Variants in SLC25A24 observed in about 807,000 individuals in gnomAD.
The protein encoded by SLC25A24 is solute carrier family 25 member 24.
SLC25A24 carries 49 observed loss-of-function variants against 60.7 expected under a neutral mutation model. The observed-to-expected ratio is 0.81, with a 90% CI of 0.64 to 1.02. The LOEUF is 1.02. Ranked by LOEUF, SLC25A24 falls within the 50% of genes least tolerant of loss-of-function variation. The pLI is 0.00. For missense variants in SLC25A24, 564 were observed against 586.3 expected (o/e 0.96, Z 0.39); for synonymous variants, 202 against 200.6 (o/e 1.01, Z -0.06).
intron 9 of SLC25A24, among the ~76,000 whole-genome samples, chr1:108,137,435 G>A (rs181361548): frequency 6.6e-6 from 1 of 152,324 alleles, no homozygotes; most frequent in East Asian, 1.9e-4. Context: ...GCACAACCAA[G>A]ACAACGGGAG....
At chr1:108,188,765 G>A (rs1229552369) in intron 1 of SLC25A24, among the ~76,000 whole-genome samples, 3 of 152,192 alleles carry the variant, frequency 2.0e-5, no homozygotes, top group Admixed American at 1.3e-4. Context: ...GTTTGGGGGC[G>A]GATTCTGGGA....
chr1:108,143,849 C>G, intron 7 of SLC25A24, 139 bp from the exon 8 acceptor site: 3 of 692,244 alleles, frequency 4.3e-6, no homozygotes, highest in Non-Finnish European at 7.1e-6. Flanking sequence ...GATACATTCT[C>G]TTTCATGTAT....
At chr1:108,170,007 T>C (rs1220299528) in intron 3 of SLC25A24, among the ~76,000 whole-genome samples, 1 of 152,154 alleles carries the variant, frequency 6.6e-6, no homozygotes, top group Non-Finnish European at 1.5e-5. Flanking sequence ...TACTGCATCT[T>C]TGCTATATAT....
intron 6 of SLC25A24, among the ~76,000 whole-genome samples, chr1:108,152,920 C>T (rs1571284525): frequency 6.6e-6 from 1 of 152,236 alleles, no homozygotes; most frequent in Non-Finnish European, 1.5e-5. Context: ...AGGGCATTTC[C>T]CACCATATGA....
chr1:108,151,880 T>G (rs1267067716), intron 6 of SLC25A24, among the ~76,000 whole-genome samples: 1 of 152,222 alleles, frequency 6.6e-6, no homozygotes, highest in African/African-American at 2.4e-5. Context: ...CATTCTTGAC[T>G]CTTCTCTTTC....
chr1:108,158,015 C>A (rs559761), intron 4 of SLC25A24, among the ~76,000 whole-genome samples: 132,335 of 152,176 alleles, frequency 0.87, 57,802 homozygotes, highest in African/African-American at 0.95. Context: ...TTAAGAAATT[C>A]GTTCATCAAT....
At chr1:108,157,669 C>G (rs1679941119) in intron 4 of SLC25A24, 49 bp from the exon 5 acceptor site, 12 of 1,571,776 alleles carry the variant, frequency 7.6e-6, no homozygotes, top group Non-Finnish European at 1.0e-5. Flanking sequence ...AAAAATAATC[C>G]CAGAAGACGT....
chr1:108,163,604 G>T lies in SLC25A24; in HGVS notation c.399-2311C>A, dbSNP rs545437912. Among the ~76,000 whole-genome samples, 28 of 152,106 alleles carry T rather than the reference G, an allele frequency of 1.8e-4. No individual in the cohort carries two copies. The South Asian group carries it at 5.2e-3, about 28-fold the overall frequency. ...TGATTTGGCTCTCTGTCTGTTGCTGGTGTATAAGAATGCTTGTGATTTTTG... is the reference window on the plus strand; with the variant it reads ...TGATTTGGCTCTCTGTCTGTTGCTGTTGTATAAGAATGCTTGTGATTTTTG... On this transcript the variant is annotated intron_variant, in intron 3 of 9. Transcript: ENST00000565488.
chr1:108,148,203 T>G (rs1679659054), intron 7 of SLC25A24, 76 bp downstream of exon 7: 1 of 882,890 alleles, frequency 1.1e-6, no homozygotes, highest in Non-Finnish European at 1.9e-6. Flanking sequence ...CTGTTAATTT[T>G]GGGATAACTT....
chr1:108,184,182 T>TA (rs34503747), intron 2 of SLC25A24, among the ~76,000 whole-genome samples: 1 of 152,232 alleles, frequency 6.6e-6, no homozygotes, highest in Admixed American at 6.5e-5. Flanking sequence ...TAGAATTTTA[T>TA]AAAATGAACA....
At chr1:108,155,950 A>AC (rs1679886105) in intron 5 of SLC25A24, among the ~76,000 whole-genome samples, 6 of 149,146 alleles carry the variant, frequency 4.0e-5, no homozygotes, top group Non-Finnish European at 8.9e-5. Context: ...ACTACCACTA[A>AC]ACACACACAC....
chr1:108,151,442 T>A (rs540653197), intron 6 of SLC25A24, among the ~76,000 whole-genome samples: 1 of 152,108 alleles, frequency 6.6e-6, no homozygotes, highest in Admixed American at 6.5e-5. Flanking sequence ...AGCTTACCTA[T>A]CTCTGGGTTG....
At chr1:108,180,114 A>C (rs1200576077) in intron 3 of SLC25A24, among the ~76,000 whole-genome samples, 1 of 152,168 alleles carries the variant, frequency 6.6e-6, no homozygotes, top group East Asian at 1.9e-4. Context: ...CTGTAATCCC[A>C]GCACTTTGGG....
At chr1:108,184,000 G>A (rs1648030719) in intron 2 of SLC25A24, among the ~76,000 whole-genome samples, 1 of 152,140 alleles carries the variant, frequency 6.6e-6, no homozygotes, top group South Asian at 2.1e-4. Flanking sequence ...CCCAAATAAT[G>A]AGGATCAACT....
In SLC25A24 at chr1:108,161,059, C is replaced by T. The variant is rs1571291143; in HGVS notation, c.510+123G>A. The T allele has an allele frequency of 8.9e-6, 5 of 563,632 alleles. No homozygotes were observed. In the East Asian group the frequency reaches 1.3e-4, roughly 14 times the overall value. 34.9% of individuals were successfully genotyped at this position (563,632 alleles called of 1,614,324 possible). A position where few individuals can be genotyped will look rare whatever the true frequency, so the allele number is the denominator to read the frequency against. On this transcript the variant is annotated intron_variant, in intron 4 of 9. Coordinates refer to ENST00000565488, the MANE Select transcript of SLC25A24 (RefSeq NM_013386.5). ...GCCTAATAGAATAAATAGAACTCTA[C>T]AGGTTAAGGAGCTACTGGGACTCAG...
chr1:108,161,259 T>C lies in SLC25A24; in HGVS notation c.433A>G (p.Asn145Asp). The C allele has an allele frequency of 6.2e-7, 1 of 1,601,772 alleles. No homozygotes were observed. Among genetic ancestry groups the C allele is most frequent in the Non-Finnish European group, 8.5e-7 (1 of 1,169,664 alleles). ...DVDGTMTVDW[N>D]EWRDYFLFNP... is the part of the protein sequence containing the mutation. ...AATAAGAAGTAGTCTCTCCATTCATTCCAGTCCACTGTCATTGTCCCATCA... is the reference window on the plus strand; with the variant it reads ...AATAAGAAGTAGTCTCTCCATTCATCCCAGTCCACTGTCATTGTCCCATCA... The change falls in exon 4 of 10, where the codon AAT becomes GAT. Residue 145 changes from asparagine to aspartate, a missense_variant. Asn to Asp is a conservative substitution (Grantham distance 23). Coordinates refer to ENST00000565488, the MANE Select transcript of SLC25A24 (RefSeq NM_013386.5).
At chr1:108,165,357 T>C (rs1290135873) in intron 3 of SLC25A24, among the ~76,000 whole-genome samples, 1 of 152,198 alleles carries the variant, frequency 6.6e-6, no homozygotes, top group African/African-American at 2.4e-5. Context: ...TTGTTGACTT[T>C]CTGTCTCATT....
intron 3 of SLC25A24, among the ~76,000 whole-genome samples, chr1:108,176,352 G>T (rs1647673841): frequency 1.3e-5 from 2 of 152,020 alleles, no homozygotes; most frequent in South Asian, 2.1e-4. Flanking sequence ...GAAAATGAAT[G>T]AAGAAAGCTT....
rs1474080131 is a variant in SLC25A24 at position 108,192,681 on chromosome 1, A to G, written c.184-6727T>C. ...TGAGCCCCAGCGGGGTGGAAGTGCG[A>G]CCGACGAACGGGATCTCTGCCCACC... is the stretch of plus-strand genomic sequence containing the variant. On this transcript the variant is annotated intron_variant, in intron 1 of 9. Transcript: ENST00000565488. 3 of 1,463,956 alleles carry G rather than the reference A, an allele frequency of 2.0e-6. No individual in the cohort carries two copies. The African/African-American group carries it at 4.1e-5, about 20-fold the overall frequency. 90.7% of individuals were successfully genotyped at this position (1,463,956 alleles called of 1,614,324 possible).
Sources: gnomAD v4.1 joint callset for allele counts (sites outside exome capture counted in the v4.1 genomes callset) on GRCh38, gnomAD v4.1.1 for gene constraint, MANE v1.5 for transcripts, NCBI Gene and HGNC (gene_info 2026-07-23, HGNC 2026-07-21) for gene names.